Variants in IQCN observed in about 807,000 individuals in gnomAD.
IQCN encodes the protein IQ domain-containing protein N.
A neutral mutation model predicts 64.4 loss-of-function variants in IQCN; 46 were observed. The observed-to-expected ratio is 0.71, with a 90% CI of 0.56 to 0.91. The LOEUF (loss-of-function observed/expected upper bound fraction) is 0.91, where lower values mean the gene tolerates loss of function less well. IQCN is among the 40% of genes least tolerant of loss of function. The pLI is 0.00. For synonymous variants in IQCN, 733 were observed against 775.6 expected (o/e 0.95, Z 0.91); for missense variants, 1,753 against 1,857.4 (o/e 0.94, Z 1.03).
At position 18,267,227 on chromosome 19, in the gene IQCN, G is replaced by A. The variant is rs375037491; in HGVS notation, c.313C>T (p.Arg105Cys). The change falls in exon 3 of 4, where the codon CGT becomes TGT. Residue 105 changes from arginine to cysteine, a missense_variant. Transcript: ENST00000392413. ...LVDEMDMMHA[R>C]AATLIQANWR... ...TTGGCTTGGATGAGCGTGGCTGCACGGGCGTGCATCATGTCCATCTCGTCT... is the reference window on the plus strand; with the variant it reads ...TTGGCTTGGATGAGCGTGGCTGCACAGGCGTGCATCATGTCCATCTCGTCT... 2.0e-5 allele frequency: 32 copies of A among 1,614,132 alleles called. No individual in the cohort carries two copies. The highest frequency in any genetic ancestry group is 5.3e-5 in the African/African-American group (4 of 74,952).
Position 18,265,266 on chromosome 19 carries a change from T to C in IQCN, c.2274A>G (p.Pro758=), listed in dbSNP as rs911160102. ...TGCTGAGATCAGCAGCCTGGTGCGC[T>C]GGGATGAGGCACGTGGTTATGTCTG... is the stretch of plus-strand genomic sequence containing the variant. ...PITDITTCLI[P]AHQAADLSSN... is the part of the protein sequence containing the mutation. The change falls in exon 3 of 4, where the codon CCA becomes CCG. Residue 758 remains proline, a synonymous_variant. Coordinates refer to ENST00000392413, the MANE Select transcript of IQCN (RefSeq NM_001145304.2). This position sits in a 1 kb window ranked among gnomAD's most constrained non-coding sequence, Gnocchi z 4.7. 9 of 1,613,838 alleles carry C rather than the reference T, an allele frequency of 5.6e-6. No individual in the cohort carries two copies. The South Asian group carries it at 7.7e-5, about 14-fold the overall frequency.
At chr19:18,272,527 C>T (rs535048282) in intron 1 of IQCN, among the ~76,000 whole-genome samples, 20 of 152,246 alleles carry the variant, frequency 1.3e-4, no homozygotes, top group African/African-American at 4.6e-4. Context: ...ATCCAGGGCT[C>T]GGGCAGGCTT....
rs748112966 is a variant in IQCN, at chr19:18,264,359, T to C, written c.3177+4A>G. On this transcript the variant is annotated splice_donor_region_variant and intron_variant, in intron 3 of 3. Coordinates refer to ENST00000392413, the MANE Select transcript of IQCN (RefSeq NM_001145304.2). The surrounding 1 kb of genome is among the most constrained non-coding windows in gnomAD (Gnocchi z 4.3). ...CCCCAGATCCCAACCTGGGAATCCC[T>C]GACCTTGCTGGTCTGTGGTCTCACG... The C allele has an allele frequency of 6.8e-7, 1 of 1,466,156 alleles. No individual in the cohort carries two copies. The highest frequency in any genetic ancestry group is 1.4e-5 in the South Asian group (1 of 71,966). 90.8% of individuals were successfully genotyped at this position (1,466,156 alleles called of 1,614,324 possible). A position where few individuals can be genotyped will look rare whatever the true frequency, so the allele number is the denominator to read the frequency against.
chr19:18,257,445 G>C lies in IQCN; in HGVS notation c.3839C>G (p.Ala1280Gly). 6.2e-7 allele frequency: 1 copy of C among 1,608,596 alleles called. No homozygotes were observed. Among genetic ancestry groups the C allele is most frequent in the Non-Finnish European group, 8.5e-7 (1 of 1,178,392 alleles). The change falls in exon 4 of 4, where the codon GCA becomes GGA. Residue 1280 changes from alanine to glycine, a missense_variant. By Grantham distance (60) the Ala-to-Gly change is moderately conservative (BLOSUM62 0). Coordinates refer to ENST00000392413, the MANE Select transcript of IQCN (RefSeq NM_001145304.2). ...CTGGTAGGCGGAGGCCCAAGACACTGCCCCGGGGCCCTCAGTGCCCTGGCC... is the reference window on the plus strand; with the variant it reads ...CTGGTAGGCGGAGGCCCAAGACACTCCCCCGGGGCCCTCAGTGCCCTGGCC... ...GMGQGTEGPG[A>G]VSWASAYQLA...
At position 18,257,895 on chromosome 19, in the gene IQCN, C is replaced by A. The variant is rs775048704; in HGVS notation, c.3389G>T (p.Arg1130Leu). ...CCGGTGCCACAGCCGGATCCTGCGA[C>A]GCGCCAGGTAGCCACGGACGCCCGC... Reference protein sequence around the residue: ...IQAGVRGYLARRRIRLWHRGA... With the variant: ...IQAGVRGYLALRRIRLWHRGA... Residue 1130 changes from arginine to leucine, a missense_variant, in exon 4 of 4, where the codon CGT (arginine) becomes CTT (leucine). Physicochemically the swap from Arg to Leu is moderately radical, Grantham distance 102. Coordinates refer to ENST00000392413, the MANE Select transcript of IQCN (RefSeq NM_001145304.2). 1 of 1,612,672 alleles carries A rather than the reference C, an allele frequency of 6.2e-7. No individual in the cohort carries two copies. The highest frequency in any genetic ancestry group is 8.5e-7 in the Non-Finnish European group (1 of 1,179,922).
At chr19:18,268,656 G>A (rs758295641) in intron 2 of IQCN, among the ~76,000 whole-genome samples, 4 of 151,758 alleles carry the variant, frequency 2.6e-5, no homozygotes, top group South Asian at 2.1e-4. Flanking sequence ...GGTGAAACCC[G>A]TCTCTACTAA....
intron 1 of IQCN, among the ~76,000 whole-genome samples, chr19:18,270,452 G>GAGTTCC (rs1363633266): frequency 5.9e-5 from 9 of 151,578 alleles, no homozygotes; most frequent in African/African-American, 1.9e-4. Context: ...TTGAGGCCAG[G>GAGTTCC]AGTTCCAGAC....
chr19:18,270,051 T>TAAAAAAAAAAAAAAA (rs60981546), intron 1 of IQCN, among the ~76,000 whole-genome samples: 5 of 75,830 alleles, frequency 6.6e-5, no homozygotes, highest in Admixed American at 3.4e-4. Context: ...AACTGTCTCT[T>TAAAAAAAAAAAAAAA]AAAAAAAAAA....
chr19:18,266,608 C>G lies in IQCN; in HGVS notation c.932G>C (p.Arg311Thr), dbSNP rs1969592798. The change falls in exon 3 of 4, where the codon AGA becomes ACA. Residue 311 changes from arginine to threonine, a missense_variant. Transcript: ENST00000392413. This position sits in a 1 kb window ranked among gnomAD's most constrained non-coding sequence, Gnocchi z 4.3. ...RYDQAVTRPS[R>T]AQTQGPVKAE... ...TTTCACAGGGCCCTGGGTTTGGGCT[C>G]TGGATGGTCTCGTAACTGCCTGGTC... The G allele has an allele frequency of 1.3e-5, 21 of 1,613,866 alleles. No homozygotes were observed. Among genetic ancestry groups the G allele is most frequent in the Non-Finnish European group, 1.8e-5 (21 of 1,179,894 alleles).
At chr19:18,259,530 C>A (rs1306187573) in intron 3 of IQCN, 1 of 152,290 alleles carries the variant, frequency 6.6e-6, no homozygotes, top group African/African-American at 2.4e-5. Context: ...GATGGTGGAG[C>A]CCGGGGGAAG....
intron 3 of IQCN, chr19:18,258,491 G>T (rs779392492): frequency 1.0e-5 from 5 of 478,316 alleles, no homozygotes; most frequent in African/African-American, 7.8e-5. Context: ...GGCCCATGGC[G>T]TCCCAGCGGC....
Position 18,257,593 on chromosome 19 carries a change from C to T in IQCN, c.3691G>A (p.Val1231Ile), listed in dbSNP as rs762754562. The change falls in exon 4 of 4, where the codon GTC (valine) becomes ATC (isoleucine). Residue 1231 changes from valine (V) to isoleucine (I), a missense_variant. Physicochemically the swap from Val to Ile is conservative, Grantham distance 29. Transcript: ENST00000392413. ...ATCCTGGAGCTCAGGGAGTGGCAGA[C>T]GCTGCAAGCGTGTGCCTGGCAGGAC... ...FQSCQAHACSVCHSLSSRIGS... is the reference protein window; with the variant it reads ...FQSCQAHACSICHSLSSRIGS... 5.5e-5 allele frequency: 88 copies of T among 1,612,564 alleles called. No individual in the cohort carries two copies. Among genetic ancestry groups the T allele is most frequent in the South Asian group, 1.6e-4 (15 of 91,082 alleles).
chr19:18,265,901 T>C lies in IQCN; in HGVS notation c.1639A>G (p.Ile547Val). 1 of 1,614,196 alleles carries C rather than the reference T, an allele frequency of 6.2e-7. No homozygotes were observed. Among genetic ancestry groups the C allele is most frequent in the Middle Eastern group, 1.6e-4 (1 of 6,062 alleles). The change falls in exon 3 of 4, where the codon ATC (isoleucine) becomes GTC (valine). Residue 547 changes from isoleucine (I) to valine (V), a missense_variant. Transcript: ENST00000392413. This position sits in a 1 kb window ranked among gnomAD's most constrained non-coding sequence, Gnocchi z 4.7. ...TTGGCCTTGGGTGGGTTCTCATGGA[T>C]GGAGCCTGAGGTGTTGGGAGTTCCG... The part of the protein sequence containing the change: ...AAGTPNTSGS[I>V]HENPPKAKAT...
chr19:18,270,311 A>C (rs1969706994), intron 1 of IQCN, among the ~76,000 whole-genome samples: 1 of 150,334 alleles, frequency 6.7e-6, no homozygotes, highest in Non-Finnish European at 1.5e-5. Context: ...CAGTGAGCTG[A>C]GATCGTGCCA....
intron 1 of IQCN, among the ~76,000 whole-genome samples, chr19:18,274,075 A>G (rs562792376): frequency 6.6e-6 from 1 of 152,290 alleles, no homozygotes; most frequent in South Asian, 2.1e-4. Flanking sequence ...GTTTGAAAAC[A>G]GCCTGGGCAA....
Position 18,267,186 on chromosome 19 carries a change from C to T in IQCN, c.354G>A (p.Trp118Ter). Residue 118 changes from tryptophan to a stop codon, truncating the protein, a stop_gained, in exon 3 of 4, where the codon TGG becomes TGA. Transcript: ENST00000392413. LOFTEE classifies it high-confidence loss of function. ...TLIQANWRGY[W>*]LRQKLISQMM... ...TCTGGGAAATCAGCTTCTGCCGGAG[C>T]CAATAGCCCCTCCAGTTGGCTTGGA... is the stretch of plus-strand genomic sequence containing the variant. 6.2e-7 allele frequency: 1 copy of T among 1,614,276 alleles called. No individual in the cohort carries two copies. Among genetic ancestry groups the T allele is most frequent in the South Asian group, 1.1e-5 (1 of 91,092 alleles).
chr19:18,267,135 C>CT lies in IQCN; in HGVS notation c.404dup (p.Ala136GlyfsTer63). 1 of 1,614,246 alleles carries CT rather than the reference C, an allele frequency of 6.2e-7. No homozygotes were observed. Among genetic ancestry groups the CT allele is most frequent in the Non-Finnish European group, 8.5e-7 (1 of 1,180,048 alleles). Reference sequence around the variant, plus strand: ...GTCTCTTGTTGAAGCGCCGCCAGGCCTCCTGGATGGCCTTGGCCGCCATCA... The same window carrying CT: ...GTCTCTTGTTGAAGCGCCGCCAGGCCTTCCTGGATGGCCTTGGCCGCCATCA... On this transcript the variant is annotated frameshift_variant, in exon 3 of 4. Transcript: ENST00000392413. LOFTEE classifies it high-confidence loss of function.
At chr19:18,268,892 G>A (rs571638977) in intron 2 of IQCN, among the ~76,000 whole-genome samples, 1 of 150,076 alleles carries the variant, frequency 6.7e-6, no homozygotes, top group African/African-American at 2.5e-5. Flanking sequence ...AACCCGGTAG[G>A]CAGAGGTTGC....
At position 18,269,491 on chromosome 19, in the gene IQCN, G is replaced by C. The variant is rs746583845; in HGVS notation, c.-13C>G. On this transcript the variant is annotated 5_prime_UTR_variant, in exon 2 of 4. Coordinates refer to ENST00000392413, the MANE Select transcript of IQCN (RefSeq NM_001145304.2). ...CTTGAAGGGTCATAGATTTGGAGGA[G>C]TAGCAGGAGAAGAAGGTGCAATCTC... is the stretch of plus-strand genomic sequence containing the variant. The C allele has an allele frequency of 6.2e-7, 1 of 1,613,958 alleles. No individual in the cohort carries two copies. The highest frequency in any genetic ancestry group is 8.5e-7 in the Non-Finnish European group (1 of 1,179,966).
Sources: allele counts gnomAD v4.1 joint callset (sites outside exome capture counted in the v4.1 genomes callset), GRCh38; gene constraint gnomAD v4.1.1; non-coding constraint Gnocchi (gnomAD v3.1); transcripts MANE v1.5; gene names NCBI Gene and HGNC (gene_info 2026-07-23, HGNC 2026-07-21).